The following LMAN1L variants were observed in gnomAD, a reference collection of about 807,000 sequenced individuals.
LMAN1L encodes the protein lectin, mannose binding 1 like, also known as protein ERGIC-53-like.
LMAN1L carries 60 observed loss-of-function variants against 58.3 expected under a neutral mutation model. That is an observed-to-expected ratio of 1.03 (90% CI 0.84 to 1.27). The LOEUF is 1.27. Ranked by LOEUF, LMAN1L falls within the 50% of genes most tolerant of loss-of-function variation. The pLI is 0.00. For synonymous variants in LMAN1L, 280 were observed against 271.6 expected (o/e 1.03, Z -0.31); for missense variants, 629 against 674.0 (o/e 0.93, Z 0.74).
Position 74,822,716 on chromosome 15 carries a change from G to A in LMAN1L, c.1199+7G>A. On this transcript the variant is annotated splice_region_variant and intron_variant, in intron 11 of 13. Coordinates refer to ENST00000309664, the MANE Select transcript of LMAN1L (RefSeq NM_021819.3). ...AGGCCCTGCAAGAGATGAGGTAAGG[G>A]ACTGGGTGGGGACCCCTCCACCACC... 1 of 1,612,068 alleles carries A rather than the reference G, an allele frequency of 6.2e-7. No homozygotes were observed. The highest frequency in any genetic ancestry group is 1.1e-5 in the South Asian group (1 of 91,020).
intron 12 of LMAN1L, chr15:74,824,053 C>CCTCACCCTG (rs1456858480): frequency 3.9e-6 from 2 of 507,850 alleles, no homozygotes. Flanking sequence ...GTTCCCTCGC[C>CCTCACCCTG]CTCACCCTGC....
chr15:74,820,831 G>T lies in LMAN1L; in HGVS notation c.907+64G>T. On this transcript the variant is annotated intron_variant, in intron 8 of 13. Transcript: ENST00000309664. ...GTGTCACAGCATCCTCCACCCTTAT[G>T]ACCAGGGGTCCTTTAATCAGTAGGG... 3 of 1,555,722 alleles carry T rather than the reference G, an allele frequency of 1.9e-6. No homozygotes were observed. The South Asian group carries it at 3.7e-5, about 19-fold the overall frequency.
intron 8 of LMAN1L, 136 bp downstream of exon 8, chr15:74,820,903 G>A: frequency 2.9e-6 from 4 of 1,372,900 alleles, no homozygotes; most frequent in East Asian, 2.5e-5. Context: ...CTGGGCCCAA[G>A]TGTTCTGTGC....
At chr15:74,819,123 C>T (rs200470777) in intron 5 of LMAN1L, 29 bp from the exon 6 acceptor site, 17 of 1,583,172 alleles carry the variant, frequency 1.1e-5, no homozygotes, top group Admixed American at 7.1e-5. Flanking sequence ...GGACACCCCC[C>T]CACTGCTCAC....
Position 74,819,401 on chromosome 15 carries a change from G to A in LMAN1L, c.718+129G>A, listed in dbSNP as rs565628195. 7.5e-5 allele frequency: 93 copies of A among 1,235,786 alleles called. No individual in the cohort carries two copies. The South Asian group carries it at 1.4e-3, about 18-fold the overall frequency. The allele number at this position is 1,235,786 out of a possible 1,614,324, so 76.6% of individuals were successfully genotyped here. On this transcript the variant is annotated intron_variant, in intron 6 of 13. Transcript: ENST00000309664. Reference sequence around the variant, plus strand: ...CATGACCTGGGCTTCTGTGACCCTTGGGAGAAGTCATGTCTGCCTTGAGAC... The same window carrying A: ...CATGACCTGGGCTTCTGTGACCCTTAGGAGAAGTCATGTCTGCCTTGAGAC...
Position 74,820,059 on chromosome 15 carries a change from T to C in LMAN1L, c.734T>C (p.Leu245Pro), listed in dbSNP as rs2063909431. 1 of 1,614,144 alleles carries C rather than the reference T, an allele frequency of 6.2e-7. No homozygotes were observed. The highest frequency in any genetic ancestry group is 2.2e-5 in the East Asian group (1 of 44,872). The change falls in exon 7 of 14, where the codon CTG becomes CCG. Residue 245 changes from leucine to proline, a missense_variant. Physicochemically the swap from Leu to Pro is moderately conservative, Grantham distance 98 (BLOSUM62 -3). Around this residue, in one of 3 missense-constraint regions of LMAN1L, gnomAD observed 573 missense variants for 597.3 expected, o/e 0.96. Transcript: ENST00000309664. ...CCCCTTCCAGATGATCATGATGTCCTGTCCTTCCTGACCTTCAGCCTGAGT... is the reference window on the plus strand; with the variant it reads ...CCCCTTCCAGATGATCATGATGTCCCGTCCTTCCTGACCTTCAGCCTGAGT... ...TGTLADDHDVLSFLTFSLSEP... is the reference protein window; with the variant it reads ...TGTLADDHDVPSFLTFSLSEP...
At chr15:74,824,035 C>T (rs1488085878) in intron 12 of LMAN1L, 4 of 495,984 alleles carry the variant, frequency 8.1e-6, no homozygotes, top group Non-Finnish European at 1.4e-5. Context: ...ATGCCCTGTC[C>T]CATCCTCGTT....
At chr15:74,814,652 C>T (rs939532554) in intron 1 of LMAN1L, among the ~76,000 whole-genome samples, 2 of 151,788 alleles carry the variant, frequency 1.3e-5, no homozygotes, top group Admixed American at 6.6e-5. Context: ...GGATTACAGG[C>T]GAGCCACCGC....
rs998844701 is a variant in LMAN1L, at chr15:74,820,870, A to G, written c.907+103A>G. 3.3e-5 allele frequency: 49 copies of G among 1,467,254 alleles called. No homozygotes were observed. In the African/African-American group the frequency reaches 6.4e-4, roughly 19 times the overall value. The allele number at this position is 1,467,254 out of a possible 1,614,324, so 90.9% of individuals were successfully genotyped here. On this transcript the variant is annotated intron_variant, in intron 8 of 13. Coordinates refer to ENST00000309664, the MANE Select transcript of LMAN1L (RefSeq NM_021819.3). ...TAATCAGTAGGGAAACTGAGGCCTG[A>G]GGAGGCCACATCTAAGCAGGCCCTG... is the stretch of plus-strand genomic sequence containing the variant.
At chr15:74,818,132 C>T (rs1447003142) in intron 4 of LMAN1L, among the ~76,000 whole-genome samples, 2 of 152,106 alleles carry the variant, frequency 1.3e-5, no homozygotes, top group Non-Finnish European at 2.9e-5. Context: ...GGCCTTTGTC[C>T]CCTTAAGGAA....
intron 4 of LMAN1L, among the ~76,000 whole-genome samples, chr15:74,817,570 G>T (rs1384873475): frequency 1.3e-5 from 2 of 152,228 alleles, no homozygotes; most frequent in East Asian, 1.9e-4. Flanking sequence ...CTGCCGAGCC[G>T]ACCTGTCAGG....
At position 74,823,664 on chromosome 15, in the gene LMAN1L, G is replaced by A. The variant is rs1019369492; in HGVS notation, c.1305G>A (p.Glu435=). The A allele has an allele frequency of 3.1e-6, 5 of 1,613,624 alleles. No homozygotes were observed. The highest frequency in any genetic ancestry group is 3.4e-6 in the Non-Finnish European group (4 of 1,179,842). ...ELDHILGLLQ[E]ELRGPAKAAA... ...ACCACATCCTGGGCCTCCTGCAGGA[G>A]GAGCTTCGGGGCCCGGCGGTGAGGG... is the stretch of plus-strand genomic sequence containing the variant. The change falls in exon 12 of 14, where the codon GAG becomes GAA. Residue 435 remains glutamate (E), a synonymous_variant. Transcript: ENST00000309664.
chr15:74,812,928 C>A lies in LMAN1L; in HGVS notation c.74C>A (p.Thr25Lys), dbSNP rs746209951. ...CTCCTGGACCCCCACAGCCCTGAGA[C>A]GGGGTGTCCTCCTCTACGCAGGTTT... The part of the protein sequence containing the change: ...LLLLDPHSPE[T>K]GCPPLRRFEY... The change falls in exon 1 of 14, where the codon ACG becomes AAG. Residue 25 changes from threonine (T) to lysine (K), a missense_variant. Physicochemically the swap from Thr to Lys is moderately conservative, Grantham distance 78. This residue lies in a region of LMAN1L where 573 missense variants were observed against 597.3 expected (regional missense o/e 0.96). Transcript: ENST00000309664. The A allele has an allele frequency of 6.2e-7, 1 of 1,614,056 alleles. No homozygotes were observed. Among genetic ancestry groups the A allele is most frequent in the South Asian group, 1.1e-5 (1 of 91,076 alleles).
rs186596783 is a variant in LMAN1L, at chr15:74,823,282, G to T, written c.1200-277G>T. On this transcript the variant is annotated intron_variant, in intron 11 of 13. Coordinates refer to ENST00000309664, the MANE Select transcript of LMAN1L (RefSeq NM_021819.3). ...GGAGAGGCACCTAGATGAGAAGAAG[G>T]AAAGGAGTTAAATCCCCAGGGGCTG... 8.9e-4 allele frequency among the ~76,000 whole-genome samples: 135 copies of T among 152,282 alleles called. 2 individuals carry two copies. The East Asian group carries it at 0.014, about 15-fold the overall frequency.
At chr15:74,816,341 CG>C in intron 2 of LMAN1L, 30 bp downstream of exon 2, 1 of 1,607,930 alleles carries the variant, frequency 6.2e-7, no homozygotes, top group Non-Finnish European at 8.5e-7. Context: ...GCTGACAGAG[CG>C]GGGTGGGTCA....
rs746202944 is a variant in LMAN1L at position 74,819,286 on chromosome 15, T to C, written c.718+14T>C. On this transcript the variant is annotated intron_variant, in intron 6 of 13. Coordinates refer to ENST00000309664, the MANE Select transcript of LMAN1L (RefSeq NM_021819.3). ...GCACCCTGGCAGGTGAGGATCCCACTGGACAGGTAAGAGCAGAAGGGCAGT... is the reference window on the plus strand; with the variant it reads ...GCACCCTGGCAGGTGAGGATCCCACCGGACAGGTAAGAGCAGAAGGGCAGT... 3 of 1,613,712 alleles carry C rather than the reference T, an allele frequency of 1.9e-6. No homozygotes were observed. The highest frequency in any genetic ancestry group is 8.5e-7 in the Non-Finnish European group (1 of 1,179,770).
At position 74,822,633 on chromosome 15, in the gene LMAN1L, C is replaced by T. The variant is rs750527965; in HGVS notation, c.1132-9C>T. On this transcript the variant is annotated splice_polypyrimidine_tract_variant and intron_variant, in intron 10 of 13. Transcript: ENST00000309664. Reference sequence around the variant, plus strand: ...CCTGGGCCCTAGACAAGAGGCTGCCCCTCTGCAGGACTCTGCCAAGGTCGG... The same window carrying T: ...CCTGGGCCCTAGACAAGAGGCTGCCTCTCTGCAGGACTCTGCCAAGGTCGG... The T allele has an allele frequency of 4.1e-5, 66 of 1,612,870 alleles. No individual in the cohort carries two copies. The highest frequency in any genetic ancestry group is 5.5e-5 in the Non-Finnish European group (65 of 1,179,034).
rs772214861 is a variant in LMAN1L, at chr15:74,824,361, C to T, written c.1334C>T (p.Ala445Val). ...ACTTTCCCCTTTCAGAAGGCAGCAG[C>T]CAAGGCCCCCCGCCCACCTGGCCAG... ...EELRGPAKAA[A>V]KAPRPPGQPP... The change falls in exon 13 of 14, where the codon GCC becomes GTC. Residue 445 changes from alanine to valine, a missense_variant. Coordinates refer to ENST00000309664, the MANE Select transcript of LMAN1L (RefSeq NM_021819.3). The T allele has an allele frequency of 1.2e-6, 2 of 1,613,730 alleles. No homozygotes were observed. Among genetic ancestry groups the T allele is most frequent in the East Asian group, 2.2e-5 (1 of 44,900 alleles).
At chr15:74,813,936 G>A (rs1256652671) in intron 1 of LMAN1L, among the ~76,000 whole-genome samples, 1 of 152,018 alleles carries the variant, frequency 6.6e-6, no homozygotes, top group African/African-American at 2.4e-5. Context: ...AACCATCCTG[G>A]CCAAAATGGT....
Sources: gnomAD v4.1 joint callset for allele counts (sites outside exome capture counted in the v4.1 genomes callset) on GRCh38, gnomAD v4.1.1 for gene constraint, gnomAD v4.1.1 regional missense constraint, MANE v1.5 for transcripts, NCBI Gene and HGNC (gene_info 2026-07-23, HGNC 2026-07-21) for gene names.